NRCAM: variants seen among roughly 807,000 people sequenced by gnomAD.
NRCAM encodes neuronal cell adhesion molecule.
In NRCAM, 83 loss-of-function variants were observed where a neutral mutation model predicts 156.5. That is an observed-to-expected ratio of 0.53 (90% CI 0.44 to 0.64). The LOEUF is 0.64. Among genes scored for constraint, NRCAM ranks in the 30% least tolerant of loss-of-function variants. The pLI is 0.00. For synonymous variants in NRCAM, 538 were observed against 563.9 expected, an observed-to-expected ratio of 0.95 and a Z score of 0.65; for missense variants, 1,417 against 1,597.3, an observed-to-expected ratio of 0.89 and a Z score of 1.92.
chr7:108,401,454 T>C (rs1488709164), intron 1 of NRCAM, among the ~76,000 whole-genome samples: 2 of 151,810 alleles, frequency 1.3e-5, no homozygotes, highest in African/African-American at 2.4e-5. Flanking sequence ...GGTGAGAGGA[T>C]AGTTTGAGCC....
At chr7:108,444,262 G>A (rs1842020344) in intron 1 of NRCAM, among the ~76,000 whole-genome samples, 1 of 152,064 alleles carries the variant, frequency 6.6e-6, no homozygotes, top group African/African-American at 2.4e-5. Context: ...CTCTGATTTT[G>A]ATATCCTGGG....
chr7:108,420,389 G>C (rs890502048), intron 1 of NRCAM, among the ~76,000 whole-genome samples: 5 of 152,140 alleles, frequency 3.3e-5, no homozygotes, highest in African/African-American at 1.2e-4. Context: ...AAAAGTCTGT[G>C]TGTTCTGAAT....
At chr7:108,221,689 G>A (rs1225676260) in intron 11 of NRCAM, among the ~76,000 whole-genome samples, 1 of 152,044 alleles carries the variant, frequency 6.6e-6, no homozygotes. Flanking sequence ...ATGGACTTTG[G>A]GGACTTCAGG....
At chr7:108,395,960 C>A (rs1051169979) in intron 2 of NRCAM, among the ~76,000 whole-genome samples, 2 of 152,182 alleles carry the variant, frequency 1.3e-5, no homozygotes, top group African/African-American at 4.8e-5. Flanking sequence ...ATCTATTCAT[C>A]CCTGCTCATA....
In NRCAM at chr7:108,150,154, G is replaced by T; in HGVS notation, c.3678-7C>A. 6.3e-7 allele frequency: 1 copy of T among 1,582,428 alleles called. No individual in the cohort carries two copies. The highest frequency in any genetic ancestry group is 1.7e-4 in the Middle Eastern group (1 of 5,882). On this transcript the variant is annotated splice_polypyrimidine_tract_variant and splice_region_variant and intron_variant, in intron 32 of 32. Transcript: ENST00000379028. ...CTTGTGGTCTTCTGCATCACTGGAA[G>T]AAAGAGAAAACATTTTTGTCAAGAT...
chr7:108,440,595 A>G (rs1198207576), intron 1 of NRCAM, among the ~76,000 whole-genome samples: 1 of 152,188 alleles, frequency 6.6e-6, no homozygotes, highest in Non-Finnish European at 1.5e-5. Flanking sequence ...ACTTACATTC[A>G]AAGATTTCAC....
intron 30 of NRCAM, among the ~76,000 whole-genome samples, chr7:108,161,970 C>A (rs2049343075): frequency 6.6e-6 from 1 of 152,196 alleles, no homozygotes; most frequent in Non-Finnish European, 1.5e-5. Flanking sequence ...CATACACATA[C>A]CATAGTCATG....
chr7:108,227,236 T>G (rs949177751), intron 8 of NRCAM, among the ~76,000 whole-genome samples: 1 of 152,166 alleles, frequency 6.6e-6, no homozygotes, highest in Admixed American at 6.5e-5. Context: ...CACTCTGACT[T>G]TCCAGTGTCA....
intron 1 of NRCAM, among the ~76,000 whole-genome samples, chr7:108,406,840 A>G (rs2099808830): frequency 6.6e-6 from 1 of 152,220 alleles, no homozygotes; most frequent in African/African-American, 2.4e-5. Context: ...ATCACTCAAG[A>G]AACATTTAGT....
intron 1 of NRCAM, among the ~76,000 whole-genome samples, chr7:108,423,163 CTT>C (rs1384773383): frequency 6.6e-6 from 1 of 151,888 alleles, no homozygotes; most frequent in Non-Finnish European, 1.5e-5. Flanking sequence ...TTATGTCCCT[CTT>C]TATCTTTTTG....
chr7:108,188,698 C>T (rs897496822), intron 20 of NRCAM, among the ~76,000 whole-genome samples: 3 of 142,680 alleles, frequency 2.1e-5, no homozygotes, highest in Non-Finnish European at 3.0e-5. Context: ...ACCCAATGAG[C>T]TAGAAGACTG....
chr7:108,171,479 T>C (rs934372884), intron 28 of NRCAM, among the ~76,000 whole-genome samples: 1 of 152,176 alleles, frequency 6.6e-6, no homozygotes, highest in Admixed American at 6.5e-5. Context: ...ACATCCGGTA[T>C]GTTTTCAAAC....
chr7:108,454,623 A>G (rs1043627826), intron 1 of NRCAM, among the ~76,000 whole-genome samples: 4 of 152,324 alleles, frequency 2.6e-5, no homozygotes, highest in Middle Eastern at 3.4e-3. Flanking sequence ...CATTATTACA[A>G]TATTTTAACA....
chr7:108,266,602 T>C (rs955225855), intron 3 of NRCAM, among the ~76,000 whole-genome samples: 2 of 152,230 alleles, frequency 1.3e-5, no homozygotes, highest in Non-Finnish European at 2.9e-5. Flanking sequence ...GTGTCTTTTC[T>C]GTCTCTAGGT....
chr7:108,337,394 C>G (rs2099209282), intron 2 of NRCAM, among the ~76,000 whole-genome samples: 1 of 152,114 alleles, frequency 6.6e-6, no homozygotes, highest in African/African-American at 2.4e-5. Context: ...TCGAGCTGAG[C>G]TTTTGCTCGC....
intron 1 of NRCAM, among the ~76,000 whole-genome samples, chr7:108,410,367 T>C (rs1385490371): frequency 6.6e-6 from 1 of 152,216 alleles, no homozygotes; most frequent in Non-Finnish European, 1.5e-5. Flanking sequence ...AGCCATTTCA[T>C]AGAAAGACTA....
chr7:108,236,823 C>A (rs1052704800), intron 5 of NRCAM, among the ~76,000 whole-genome samples: 4 of 150,846 alleles, frequency 2.7e-5, no homozygotes, highest in Non-Finnish European at 4.4e-5. Context: ...GAATAGTGGC[C>A]ATAGGGAGTG....
At position 108,182,912 on chromosome 7, in the gene NRCAM, A is replaced by G; in HGVS notation, c.2313T>C (p.Asn771=). ...DNLVITWKPL[N]GFESNGPGLQ... The stretch of plus-strand genomic sequence containing the variant: ...GGCCTGGCCCATTAGATTCGAAACC[A>G]TTCAAGGGCTACAAGGAAAGCCAAA... Residue 771 remains asparagine (N), a synonymous_variant, in exon 23 of 33, where the codon AAT becomes AAC. Coordinates refer to ENST00000379028, the MANE Select transcript of NRCAM (RefSeq NM_001037132.4). 1.2e-6 allele frequency: 2 copies of G among 1,614,078 alleles called. No individual in the cohort carries two copies. Among genetic ancestry groups the G allele is most frequent in the Non-Finnish European group, 1.7e-6 (2 of 1,179,918 alleles).
intron 2 of NRCAM, among the ~76,000 whole-genome samples, chr7:108,365,994 G>C (rs965071931): frequency 2.6e-5 from 4 of 152,152 alleles, no homozygotes; most frequent in Admixed American, 2.6e-4. Context: ...TTAATCATCA[G>C]GGCAGAGCTC....
Sources: allele counts gnomAD v4.1 joint callset (sites outside exome capture counted in the v4.1 genomes callset), GRCh38; gene constraint gnomAD v4.1.1; transcripts MANE v1.5; gene names NCBI Gene and HGNC (gene_info 2026-07-23, HGNC 2026-07-21).